Variants in APPBP2 observed in about 807,000 individuals in gnomAD.
APPBP2 encodes the protein amyloid protein-binding protein 2.
In APPBP2, 15 loss-of-function variants were observed where a neutral mutation model predicts 76.0. The ratio of observed to expected loss-of-function variants is 0.20; its 90% CI spans 0.13 to 0.30. APPBP2 has a LOEUF of 0.30. Among genes scored for constraint, APPBP2 ranks in the 10% least tolerant of loss-of-function variants. The pLI is 1.00. For missense variants in APPBP2, 401 were observed against 687.2 expected, an observed-to-expected ratio of 0.58 and a Z score of 4.66; for synonymous variants, 222 against 242.2, an observed-to-expected ratio of 0.92 and a Z score of 0.77.
At chr17:60,513,288 T>C in intron 1 of APPBP2, 1 of 507,300 alleles carries the variant, frequency 2.0e-6, no homozygotes. Flanking sequence ...GCTCAATCAA[T>C]GTATATTTGG....
intron 1 of APPBP2, among the ~76,000 whole-genome samples, chr17:60,507,138 G>A (rs181414592): frequency 1.1e-4 from 16 of 152,236 alleles, no homozygotes; most frequent in Admixed American, 4.6e-4. Context: ...CTGGGGTGTG[G>A]GCTTCAAGTG....
chr17:60,498,119 C>A (rs550883796), intron 2 of APPBP2, among the ~76,000 whole-genome samples: 1 of 151,496 alleles, frequency 6.6e-6, no homozygotes, highest in South Asian at 2.1e-4. Flanking sequence ...GGAAGTGAGA[C>A]CCTGGCTCCA....
intron 10 of APPBP2, 126 bp downstream of exon 10, chr17:60,456,170 A>T: frequency 1.5e-6 from 1 of 658,182 alleles, no homozygotes; most frequent in Non-Finnish European, 2.6e-6. Context: ...GCTATCTAGT[A>T]ATACATAGAC....
chr17:60,496,746 A>T (rs2090778622), intron 2 of APPBP2, among the ~76,000 whole-genome samples: 1 of 152,056 alleles, frequency 6.6e-6, no homozygotes, highest in Non-Finnish European at 1.5e-5. Context: ...TTTGAGACAG[A>T]GTCTCACTCT....
At chr17:60,463,988 T>C in intron 6 of APPBP2, 33 bp downstream of exon 6, 1 of 1,429,174 alleles carries the variant, frequency 7.0e-7, no homozygotes, top group Non-Finnish European at 9.6e-7. Flanking sequence ...ATAAATCCTA[T>C]AATTCATTTA....
chr17:60,525,402 G>A (rs1019810681), intron 1 of APPBP2, among the ~76,000 whole-genome samples: 5 of 152,166 alleles, frequency 3.3e-5, no homozygotes, highest in Admixed American at 2.0e-4. Flanking sequence ...GGAGGAGCAC[G>A]GAAAAAAGTC....
chr17:60,446,929 A>T lies in APPBP2; in HGVS notation c.*652T>A, dbSNP rs1481866833. 1 of 152,596 alleles carries T rather than the reference A, an allele frequency of 6.6e-6. No homozygotes were observed. Among genetic ancestry groups the T allele is most frequent in the Non-Finnish European group, 1.5e-5 (1 of 68,048 alleles). The allele number at this position is 152,596 out of a possible 1,614,324, so 9.5% of individuals were successfully genotyped here. ...TCTTGCATTGTTGTACCAAAAAAAA[A>T]AAAGTCAGAAGTGCTGGTCTATCAG... is the stretch of plus-strand genomic sequence containing the variant. On this transcript the variant is annotated 3_prime_UTR_variant, in exon 13 of 13. Coordinates refer to ENST00000083182, the MANE Select transcript of APPBP2 (RefSeq NM_006380.5).
intron 2 of APPBP2, among the ~76,000 whole-genome samples, chr17:60,498,199 T>G (rs1220193679): frequency 6.6e-6 from 1 of 152,030 alleles, no homozygotes; most frequent in Non-Finnish European, 1.5e-5. Flanking sequence ...TGATGATACT[T>G]AAAACGGGAA....
intron 9 of APPBP2, 95 bp from the exon 10 acceptor site, chr17:60,456,476 A>C: frequency 1.3e-6 from 1 of 798,494 alleles, no homozygotes; most frequent in Non-Finnish European, 2.1e-6. Context: ...TATTGATAGA[A>C]AGTACTTCTA....
rs183639631 is a variant in APPBP2, at chr17:60,491,046, G to T, written c.379+3420C>A. Among the ~76,000 whole-genome samples the T allele has an allele frequency of 1.6e-3, 250 of 152,322 alleles. 2 individuals carry two copies. The highest frequency in any genetic ancestry group is 0.01 in the Admixed American group (157 of 15,286). ...ACCTGAAAATGTGGAAGCAACTTTG[G>T]AACTGGGTAACAGGCAAAGTTTGGA... On this transcript the variant is annotated intron_variant, in intron 3 of 12. Coordinates refer to ENST00000083182, the MANE Select transcript of APPBP2 (RefSeq NM_006380.5).
intron 3 of APPBP2, among the ~76,000 whole-genome samples, chr17:60,491,375 G>C (rs187593094): frequency 1.1e-4 from 16 of 152,266 alleles, no homozygotes; most frequent in Admixed American, 4.6e-4. Flanking sequence ...AAGCATTTAA[G>C]AGGTGACTGG....
rs569645244 is a variant in APPBP2 at position 60,496,557 on chromosome 17, A to T, written c.228-1940T>A. On this transcript the variant is annotated intron_variant, in intron 2 of 12. Transcript: ENST00000083182. The stretch of plus-strand genomic sequence containing the variant: ...TTTCTTTAGAGTAAGGAATGTTTTT[A>T]AAAGTTTTTCTAGTCTTCTTTTACC... 3.9e-5 allele frequency: 6 copies of T among 152,326 alleles called. No homozygotes were observed. In the South Asian group the frequency reaches 1.0e-3, roughly 26 times the overall value. The allele number at this position is 152,326 out of a possible 1,614,324, so 9.4% of individuals were successfully genotyped here. A position where few individuals can be genotyped will look rare whatever the true frequency, so the allele number is the denominator to read the frequency against.
At chr17:60,521,246 A>G (rs547838603) in intron 1 of APPBP2, among the ~76,000 whole-genome samples, 1 of 152,366 alleles carries the variant, frequency 6.6e-6, no homozygotes, top group African/African-American at 2.4e-5. Context: ...AGGTGGCCCC[A>G]TAAGATTATA....
chr17:60,509,799 CA>C (rs1273486360), intron 1 of APPBP2, among the ~76,000 whole-genome samples: 1 of 151,922 alleles, frequency 6.6e-6, no homozygotes, highest in Admixed American at 6.6e-5. Context: ...AACTCCATCT[CA>C]AAAAACACAA....
At chr17:60,457,410 T>G (rs1598347734) in intron 9 of APPBP2, among the ~76,000 whole-genome samples, 1 of 151,430 alleles carries the variant, frequency 6.6e-6, no homozygotes, top group African/African-American at 2.4e-5. Flanking sequence ...TCTGCTGAGG[T>G]TTTTTTTGTT....
At chr17:60,499,982 T>C (rs906409397) in intron 2 of APPBP2, among the ~76,000 whole-genome samples, 4 of 151,764 alleles carry the variant, frequency 2.6e-5, no homozygotes, top group African/African-American at 9.7e-5. Flanking sequence ...TGGAAATGAA[T>C]GGTGTTGATG....
At chr17:60,472,859 GCTC>G (rs545940000) in intron 4 of APPBP2, among the ~76,000 whole-genome samples, 3 of 152,050 alleles carry the variant, frequency 2.0e-5, no homozygotes, top group Admixed American at 6.5e-5. Flanking sequence ...TATGTAGGTG[GCTC>G]CTATCTTATT....
intron 11 of APPBP2, among the ~76,000 whole-genome samples, chr17:60,452,852 G>A (rs2090405343): frequency 6.6e-6 from 1 of 152,152 alleles, no homozygotes; most frequent in African/African-American, 2.4e-5. Flanking sequence ...AAGATCACCT[G>A]AGCCCAGGGA....
intron 9 of APPBP2, among the ~76,000 whole-genome samples, chr17:60,456,824 A>G (rs1405082182): frequency 6.6e-6 from 1 of 152,122 alleles, no homozygotes; most frequent in African/African-American, 2.4e-5. Flanking sequence ...AGAACAGACC[A>G]CATAAAAGGC....
Sources: gnomAD v4.1 joint callset for allele counts (sites outside exome capture counted in the v4.1 genomes callset) on GRCh38, gnomAD v4.1.1 for gene constraint, MANE v1.5 for transcripts, NCBI Gene and HGNC (gene_info 2026-07-23, HGNC 2026-07-21) for gene names.